The following KIF26B variants were observed in gnomAD, a reference collection of about 807,000 sequenced individuals.
KIF26B encodes the protein kinesin-like protein KIF26B.
In KIF26B, 63 loss-of-function variants were observed where a neutral mutation model predicts 151.2. The observed-to-expected ratio is 0.42, with a 90% CI of 0.34 to 0.51. The LOEUF (loss-of-function observed/expected upper bound fraction) is 0.51. Ranked by LOEUF, KIF26B falls within the 20% of genes least tolerant of loss-of-function variation. The probability of loss-of-function intolerance (pLI) is 0.07; values close to 1 mark genes in which losing one functional copy is unlikely to be tolerated. For missense variants in KIF26B, 2,813 were observed against 2,913.6 expected (o/e 0.97, Z 0.79); for synonymous variants, 1,357 against 1,262.1 (o/e 1.08, Z -1.59).
At chr1:245,156,786 A>C in intron 2 of KIF26B, 103 bp downstream of exon 2, 2 of 670,640 alleles carry the variant, frequency 3.0e-6, no homozygotes, top group Non-Finnish European at 4.3e-6. Context: ...CGCCGGCTCC[A>C]CGCGAGAGCC....
intron 10 of KIF26B, among the ~76,000 whole-genome samples, chr1:245,683,165 C>T (rs1307083148): frequency 6.6e-6 from 1 of 152,160 alleles, no homozygotes; most frequent in Non-Finnish European, 1.5e-5. Flanking sequence ...GCCTGAGTCT[C>T]CCATAGTGTC....
At chr1:245,429,021 A>C (rs1658713971) in intron 4 of KIF26B, among the ~76,000 whole-genome samples, 1 of 152,100 alleles carries the variant, frequency 6.6e-6, no homozygotes, top group Admixed American at 6.5e-5. Context: ...AAGGATATTG[A>C]ATAAGCAAAC....
intron 2 of KIF26B, among the ~76,000 whole-genome samples, chr1:245,169,362 T>TGTGTGTGTGTGTGTGTGTGC (rs879260509): frequency 6.6e-6 from 1 of 150,988 alleles, no homozygotes; most frequent in Non-Finnish European, 1.5e-5. Context: ...TGTGTGTGTG[T>TGTGTGTGTGTGTGTGTGTGC]GCGCGCAAGC....
At chr1:245,336,189 A>C (rs1672230096) in intron 2 of KIF26B, among the ~76,000 whole-genome samples, 1 of 152,232 alleles carries the variant, frequency 6.6e-6, no homozygotes, top group Non-Finnish European at 1.5e-5. Context: ...GGAGAGTCCC[A>C]CGCAGGGATT....
chr1:245,380,955 G>GAAA (rs35477111), intron 3 of KIF26B, among the ~76,000 whole-genome samples: 5 of 77,928 alleles, frequency 6.4e-5, no homozygotes, highest in African/African-American at 2.0e-4. Context: ...CCAAAAAGAT[G>GAAA]AAAAAAAAAA....
intron 5 of KIF26B, among the ~76,000 whole-genome samples, chr1:245,594,745 A>T (rs1273908791): frequency 6.6e-6 from 1 of 152,206 alleles, no homozygotes; most frequent in Non-Finnish European, 1.5e-5. Flanking sequence ...TTGAATCTAT[A>T]AATTATTTTG....
At chr1:245,184,050 G>GTTTTTTTTTTTTTTTT (rs758993117) in intron 2 of KIF26B, among the ~76,000 whole-genome samples, 360 of 19,742 alleles carry the variant, frequency 0.018, 105 homozygotes, top group East Asian at 0.057. Flanking sequence ...GGGAGTTGTT[G>GTTTTTTTTTTTTTTTT]TTTTTTTTTT....
chr1:245,391,515 G>T (rs956695118), intron 3 of KIF26B, among the ~76,000 whole-genome samples: 2 of 152,050 alleles, frequency 1.3e-5, no homozygotes, highest in South Asian at 2.1e-4. Flanking sequence ...TTGTGGGCTG[G>T]GGATGGTGGC....
At chr1:245,415,590 T>G (rs1041329119) in intron 3 of KIF26B, among the ~76,000 whole-genome samples, 1 of 152,064 alleles carries the variant, frequency 6.6e-6, no homozygotes, top group African/African-American at 2.4e-5. Flanking sequence ...ATGGATATGA[T>G]TGTAATTGTT....
In KIF26B at chr1:245,167,344, A is replaced by G. The variant is rs1668632342; in HGVS notation, c.465+10661A>G. Among the ~76,000 whole-genome samples, 1 of 152,158 alleles carries G rather than the reference A, an allele frequency of 6.6e-6. No individual in the cohort carries two copies. Among genetic ancestry groups the G allele is most frequent in the Non-Finnish European group, 1.5e-5 (1 of 68,028 alleles). ...AATTCAGGATTTTTTTTCTGAGCTA[A>G]CCTAGGAACCGATAGAACTTGAGAT... On this transcript the variant is annotated intron_variant, in intron 2 of 14. Transcript: ENST00000407071. The surrounding 1 kb of genome is among the most constrained non-coding windows in gnomAD (Gnocchi z 4.2).
intron 2 of KIF26B, among the ~76,000 whole-genome samples, chr1:245,341,922 C>A (rs551065247): frequency 6.6e-6 from 1 of 152,198 alleles, no homozygotes; most frequent in African/African-American, 2.4e-5. Context: ...CTCCCTCCCC[C>A]TTAAGGGTTA....
chr1:245,631,503 G>A (rs1188228905), intron 9 of KIF26B, among the ~76,000 whole-genome samples: 1 of 152,084 alleles, frequency 6.6e-6, no homozygotes, highest in Non-Finnish European at 1.5e-5. Flanking sequence ...TATGTTATTG[G>A]TGTGTTGTTA....
At chr1:245,650,880 C>T (rs190475017) in intron 10 of KIF26B, among the ~76,000 whole-genome samples, 183 of 152,304 alleles carry the variant, frequency 1.2e-3, no homozygotes, top group African/African-American at 4.1e-3. Context: ...ACCATCCTGT[C>T]GTGGAAATGA....
chr1:245,358,213 A>C lies in KIF26B; in HGVS notation c.466-8621A>C, dbSNP rs1672740315. Among the ~76,000 whole-genome samples the C allele has an allele frequency of 6.6e-6, 1 of 152,178 alleles. No homozygotes were observed. The highest frequency in any genetic ancestry group is 1.5e-5 in the Non-Finnish European group (1 of 68,018). ...AGCCACCATACCCTGCCAAAATTTT[A>C]CCTTTTAAAAACAATGGCAACACCA... On this transcript the variant is annotated intron_variant, in intron 2 of 14. Transcript: ENST00000407071. This position sits in a 1 kb window ranked among gnomAD's most constrained non-coding sequence, Gnocchi z 4.1.
In KIF26B at chr1:245,688,683, CGTG is replaced by C. The variant is rs1558274216; in HGVS notation, c.5701_5703del (p.Val1901del). 3 of 1,605,704 alleles carry C rather than the reference CGTG, an allele frequency of 1.9e-6. No individual in the cohort carries two copies. On this transcript the variant is annotated inframe_deletion, in exon 12 of 15. Transcript: ENST00000407071. ...GCGGCGGCAGCAGCGGCTACGAGAG[CGTG>C]ATGCGGGACAGCGAGGCCACCGGCA...
At chr1:245,158,838 T>TTTTG (rs1553329057) in intron 2 of KIF26B, among the ~76,000 whole-genome samples, 8 of 148,936 alleles carry the variant, frequency 5.4e-5, no homozygotes, top group African/African-American at 2.0e-4. Context: ...TGAATAATAA[T>TTTTG]TGTGTGTGTG....
intron 2 of KIF26B, among the ~76,000 whole-genome samples, chr1:245,320,973 T>C (rs1207870029): frequency 2.0e-5 from 3 of 152,218 alleles, no homozygotes; most frequent in African/African-American, 4.8e-5. Flanking sequence ...CCACCGTACC[T>C]GGCCTGTGTT....
chr1:245,527,733 CCG>C (rs1229055421), intron 4 of KIF26B, among the ~76,000 whole-genome samples: 5 of 151,600 alleles, frequency 3.3e-5, no homozygotes, highest in Non-Finnish European at 5.9e-5. Flanking sequence ...CGGGGTTTCA[CCG>C]CATTAGCCAG....
intron 9 of KIF26B, among the ~76,000 whole-genome samples, chr1:245,640,147 A>C (rs555852123): frequency 0.014 from 291 of 20,136 alleles, 19 homozygotes; most frequent in East Asian, 0.029. Context: ...CTCTCTCTAT[A>C]TATATATATA....
Sources: allele counts gnomAD v4.1 joint callset (sites outside exome capture counted in the v4.1 genomes callset), GRCh38; gene constraint gnomAD v4.1.1; non-coding constraint Gnocchi (gnomAD v3.1); transcripts MANE v1.5; gene names NCBI Gene and HGNC (gene_info 2026-07-23, HGNC 2026-07-21).